Variants in WHAMM observed in about 807,000 individuals in gnomAD.
The protein encoded by WHAMM is WASP homolog-associated protein with actin, membranes and microtubules.
A neutral mutation model predicts 76.5 loss-of-function variants in WHAMM; 67 were observed. That is an observed-to-expected ratio of 0.88 (90% CI 0.72 to 1.07). WHAMM has a LOEUF of 1.07. Ranked by LOEUF, WHAMM falls within the 50% of genes least tolerant of loss-of-function variation. WHAMM has a pLI of 0.00. For synonymous variants in WHAMM, 419 were observed against 422.1 expected (o/e 0.99, Z 0.09); for missense variants, 1,021 against 1,051.1 (o/e 0.97, Z 0.40).
Position 82,809,731 on chromosome 15 carries a change from A to T in WHAMM, c.5A>T (p.Glu2Val). 1 of 1,513,004 alleles carries T rather than the reference A, an allele frequency of 6.6e-7. No homozygotes were observed. The allele number at this position is 1,513,004 out of a possible 1,614,324, so 93.7% of individuals were successfully genotyped here. The stretch of plus-strand genomic sequence containing the variant: ...GGGCCGCTGCTGCCGACAGCCATGG[A>T]GGACGAGCAGCCTGACAGCCTGGAG... MEDEQPDSLEGW... is the reference protein window; with the variant it reads MVDEQPDSLEGW... Residue 2 changes from glutamate to valine, a missense_variant, in exon 1 of 10, where the codon GAG becomes GTG. Coordinates refer to ENST00000286760, the MANE Select transcript of WHAMM (RefSeq NM_001080435.3).
At chr15:82,823,765 C>T (rs2050879794) in intron 6 of WHAMM, among the ~76,000 whole-genome samples, 1 of 152,168 alleles carries the variant, frequency 6.6e-6, no homozygotes, top group Non-Finnish European at 1.5e-5. Context: ...GGGGTTTCAC[C>T]ATGTTGGCTA....
At chr15:82,831,216 G>A (rs538231368) in intron 9 of WHAMM, 137 bp downstream of exon 9, 1 of 1,435,582 alleles carries the variant, frequency 7.0e-7, no homozygotes, top group Admixed American at 2.3e-5. Flanking sequence ...AGTATTTGCT[G>A]CCTTGAGTAT....
intron 2 of WHAMM, among the ~76,000 whole-genome samples, chr15:82,815,676 C>T (rs2050714652): frequency 6.6e-6 from 1 of 152,122 alleles, no homozygotes; most frequent in Admixed American, 6.6e-5. Context: ...TTTATATTCC[C>T]AAAAGCAGTA....
At chr15:82,814,359 A>C (rs2050683117) in intron 2 of WHAMM, among the ~76,000 whole-genome samples, 1 of 152,236 alleles carries the variant, frequency 6.6e-6, no homozygotes, top group South Asian at 2.1e-4. Flanking sequence ...TTTAGATGAG[A>C]GTCATACCAC....
Position 82,809,922 on chromosome 15 carries a change from G to A in WHAMM, c.196G>A (p.Glu66Lys), listed in dbSNP as rs2151553685. The change falls in exon 1 of 10, where the codon GAG becomes AAG. Residue 66 changes from glutamate (E) to lysine (K), a missense_variant. Transcript: ENST00000286760. Reference sequence around the variant, plus strand: ...GGGGGCCCGGTTGGGGCCCGAGCCCGAGCCCAAGCCTGAGGCCGCCGTCTC... The same window carrying A: ...GGGGGCCCGGTTGGGGCCCGAGCCCAAGCCCAAGCCTGAGGCCGCCGTCTC... ...REGARLGPEP[E>K]PKPEAAVSPS... 5 of 1,509,892 alleles carry A rather than the reference G, an allele frequency of 3.3e-6. No homozygotes were observed. Among genetic ancestry groups the A allele is most frequent in the East Asian group, 2.6e-5 (1 of 38,056 alleles). 93.5% of individuals were successfully genotyped at this position (1,509,892 alleles called of 1,614,324 possible).
intron 5 of WHAMM, among the ~76,000 whole-genome samples, chr15:82,822,207 A>G (rs1404458142): frequency 3.9e-5 from 6 of 152,236 alleles, no homozygotes; most frequent in African/African-American, 4.8e-5. Flanking sequence ...AGACATCTTA[A>G]TAATATATTG....
In WHAMM at chr15:82,826,764, TAAA is replaced by T; in HGVS notation, c.1561_1563del (p.Lys521del). ...GTTTAAATATAGAAAAGAGACAAGA[TAAA>T]AGAAGAGGAGCAAAAGAAAAAAGAA... On this transcript the variant is annotated inframe_deletion, in exon 8 of 10. Coordinates refer to ENST00000286760, the MANE Select transcript of WHAMM (RefSeq NM_001080435.3). 3 of 1,546,256 alleles carry T rather than the reference TAAA, an allele frequency of 1.9e-6. No homozygotes were observed. Among genetic ancestry groups the T allele is most frequent in the African/African-American group, 1.4e-5 (1 of 72,446 alleles).
At position 82,831,082 on chromosome 15, in the gene WHAMM, A is replaced by G; in HGVS notation, c.2122+3A>G. ...CTTGGAAAGTTTTTCATGTCCAGGT[A>G]ATCCACTGGAATTCTGTCCCTGCTC... On this transcript the variant is annotated splice_donor_region_variant and intron_variant, in intron 9 of 9. Transcript: ENST00000286760. 1.9e-6 allele frequency: 3 copies of G among 1,602,030 alleles called. No individual in the cohort carries two copies. Among genetic ancestry groups the G allele is most frequent in the Non-Finnish European group, 2.5e-6 (3 of 1,178,466 alleles).
rs1385499979 is a variant in WHAMM, at chr15:82,813,197, C to A, written c.704C>A (p.Ala235Glu). The change falls in exon 2 of 10, where the codon GCA becomes GAA. Residue 235 changes from alanine to glutamate, a missense_variant. Physicochemically the swap from Ala to Glu is moderately radical, Grantham distance 107. This residue lies in a region of WHAMM where 501 missense variants were observed against 524.9 expected (regional missense o/e 0.95). Transcript: ENST00000286760. ...DEAYQELVTVATMFFQYLLQP... is the reference protein window; with the variant it reads ...DEAYQELVTVETMFFQYLLQP... Reference sequence around the variant, plus strand: ...GCATACCAGGAATTGGTTACCGTGGCAACCATGTTCTTCCAGTACTTATTG... The same window carrying A: ...GCATACCAGGAATTGGTTACCGTGGAAACCATGTTCTTCCAGTACTTATTG... 2 of 1,612,926 alleles carry A rather than the reference C, an allele frequency of 1.2e-6. No individual in the cohort carries two copies.
chr15:82,825,565 A>G (rs1257107689), intron 6 of WHAMM, among the ~76,000 whole-genome samples: 1 of 152,198 alleles, frequency 6.6e-6, no homozygotes, highest in East Asian at 1.9e-4. Flanking sequence ...CAGCTTGGCC[A>G]CTTAGGTAGC....
chr15:82,816,142 C>G (rs1419980099), intron 2 of WHAMM, among the ~76,000 whole-genome samples: 1 of 152,144 alleles, frequency 6.6e-6, no homozygotes, highest in African/African-American at 2.4e-5. Flanking sequence ...ACCCTCATGA[C>G]CTAATTACCC....
chr15:82,824,969 C>G (rs1227130669), intron 6 of WHAMM, among the ~76,000 whole-genome samples: 1 of 152,038 alleles, frequency 6.6e-6, no homozygotes, highest in African/African-American at 2.4e-5. Context: ...CCAGGGACAA[C>G]ACAGTGAGAC....
At chr15:82,812,142 G>A (rs1398029011) in intron 1 of WHAMM, among the ~76,000 whole-genome samples, 1 of 152,198 alleles carries the variant, frequency 6.6e-6, no homozygotes, top group East Asian at 1.9e-4. Context: ...ACTGCTAAGG[G>A]CTTCATGGGA....
Position 82,809,933 on chromosome 15 carries a change from T to G in WHAMM, c.207T>G (p.Pro69=). The G allele has an allele frequency of 1.4e-6, 2 of 1,445,066 alleles. No homozygotes were observed. Among genetic ancestry groups the G allele is most frequent in the Non-Finnish European group, 1.8e-6 (2 of 1,094,286 alleles). The allele number at this position is 1,445,066 out of a possible 1,614,324, so 89.5% of individuals were successfully genotyped here. A position where few individuals can be genotyped will look rare whatever the true frequency, so the allele number is the denominator to read the frequency against. ...ARLGPEPEPK[P]EAAVSPSSWA... is the part of the protein sequence containing the mutation. ...TGGGGCCCGAGCCCGAGCCCAAGCC[T>G]GAGGCCGCCGTCTCCCCGTCCAGCT... is the stretch of plus-strand genomic sequence containing the variant. The change falls in exon 1 of 10, where the codon CCT becomes CCG. Residue 69 remains proline (P), a synonymous_variant. Transcript: ENST00000286760.
At chr15:82,816,345 A>G (rs990776922) in intron 2 of WHAMM, among the ~76,000 whole-genome samples, 1 of 152,256 alleles carries the variant, frequency 6.6e-6, no homozygotes, top group Admixed American at 6.5e-5. Flanking sequence ...TCCAGGCCCT[A>G]TGCTGAGTGC....
chr15:82,818,971 C>G (rs1477645832), intron 4 of WHAMM, among the ~76,000 whole-genome samples: 1 of 152,204 alleles, frequency 6.6e-6, no homozygotes, highest in Non-Finnish European at 1.5e-5. Flanking sequence ...GATGGGGGTG[C>G]TATCCTTTTG....
In WHAMM at chr15:82,809,787, G is replaced by A; in HGVS notation, c.61G>A (p.Ala21Thr). The A allele has an allele frequency of 6.2e-7, 1 of 1,600,256 alleles. No homozygotes were observed. Among genetic ancestry groups the A allele is most frequent in the Non-Finnish European group, 8.5e-7 (1 of 1,174,384 alleles). The change falls in exon 1 of 10, where the codon GCC becomes ACC. Residue 21 changes from alanine to threonine, a missense_variant. Physicochemically the swap from Ala to Thr is moderately conservative, Grantham distance 58. Transcript: ENST00000286760. ...GGTGCCGGTCCGGGAGGGCCTCTTC[G>A]CCGAGCCCGAGAGGCACCGGCTGCG... Reference protein sequence around the residue: ...GWVPVREGLFAEPERHRLRFL... With the variant: ...GWVPVREGLFTEPERHRLRFL...
chr15:82,825,241 A>C (rs2050910843), intron 6 of WHAMM, among the ~76,000 whole-genome samples: 1 of 152,250 alleles, frequency 6.6e-6, no homozygotes, highest in African/African-American at 2.4e-5. Context: ...GAAGATATAC[A>C]GGCATTTGCC....
Position 82,830,895 on chromosome 15 carries a change from ACCACCACCG to A in WHAMM, c.1941_1949del (p.Pro656_Pro658del), listed in dbSNP as rs752316089. ...TGCCACCACCTCCTCCTCCTCCACC[ACCACCACCG>A]CCGCCACCGCCGCCCCCACCCCCTC... On this transcript the variant is annotated inframe_deletion, in exon 9 of 10. Coordinates refer to ENST00000286760, the MANE Select transcript of WHAMM (RefSeq NM_001080435.3). 4.7e-4 allele frequency: 721 copies of A among 1,524,568 alleles called. 4 individuals carry two copies. The African/African-American group carries it at 9.0e-3, about 19-fold the overall frequency. 94.4% of individuals were successfully genotyped at this position (1,524,568 alleles called of 1,614,324 possible). A position where few individuals can be genotyped will look rare whatever the true frequency, so the allele number is the denominator to read the frequency against.
Sources: gnomAD v4.1 joint callset for allele counts (sites outside exome capture counted in the v4.1 genomes callset) on GRCh38, gnomAD v4.1.1 for gene constraint, gnomAD v4.1.1 regional missense constraint, MANE v1.5 for transcripts, NCBI Gene and HGNC (gene_info 2026-07-23, HGNC 2026-07-21) for gene names.